MKLN1: variants seen among roughly 807,000 people sequenced by gnomAD.
MKLN1 encodes the protein muskelin.
A neutral mutation model predicts 99.0 loss-of-function variants in MKLN1; 18 were observed. That is an observed-to-expected ratio of 0.18 (90% CI 0.13 to 0.27). The LOEUF is 0.27. Ranked by LOEUF, MKLN1 falls within the 10% of genes least tolerant of loss-of-function variation. The pLI, the probability that MKLN1 is intolerant of heterozygous loss-of-function variation, is 1.00. For synonymous variants in MKLN1, 288 were observed against 293.2 expected, an observed-to-expected ratio of 0.98 and a Z score of 0.18; for missense variants, 621 against 875.9, an observed-to-expected ratio of 0.71 and a Z score of 3.67.
In MKLN1 at chr7:131,478,662, G is replaced by T; in HGVS notation, c.2071G>T (p.Asp691Tyr). The change falls in exon 17 of 18, where the codon GAT becomes TAT. Residue 691 changes from aspartate to tyrosine, a missense_variant. Physicochemically the swap from Asp to Tyr is radical, Grantham distance 160 (BLOSUM62 -3). Coordinates refer to ENST00000352689, the MANE Select transcript of MKLN1 (RefSeq NM_013255.5). Reference sequence around the variant, plus strand: ...ATCAGCTCTATTCAAATCTGGTTCAGATTTTACAGCTCTGGGTAAGTATTG... The same window carrying T: ...ATCAGCTCTATTCAAATCTGGTTCATATTTTACAGCTCTGGGTAAGTATTG... ...LASALFKSGSDFTALGFSDVD... is the reference protein window; with the variant it reads ...LASALFKSGSYFTALGFSDVD... 6.5e-7 allele frequency: 1 copy of T among 1,542,848 alleles called. No individual in the cohort carries two copies. The highest frequency in any genetic ancestry group is 8.8e-7 in the Non-Finnish European group (1 of 1,139,022).
intron 1 of MKLN1, among the ~76,000 whole-genome samples, chr7:131,361,847 A>G (rs1427038863): frequency 1.3e-5 from 2 of 150,780 alleles, no homozygotes; most frequent in African/African-American, 2.4e-5. Flanking sequence ...CCACACATTT[A>G]TATTCTGTTA....
chr7:131,245,131 C>A (rs948654002), intron 3 of MKLN1, among the ~76,000 whole-genome samples: 5 of 152,106 alleles, frequency 3.3e-5, no homozygotes, highest in African/African-American at 9.7e-5. Context: ...ATATCAGAAC[C>A]AAATCACTGT....
chr7:131,490,132 T>G lies in MKLN1; in HGVS notation c.*2404T>G, dbSNP rs955706911. ...GAGGAGCTACATGTATTTCCAAGAA[T>G]TCCAGCATAGATTATAATTTAAATA... On this transcript the variant is annotated 3_prime_UTR_variant, in exon 18 of 18. Coordinates refer to ENST00000352689, the MANE Select transcript of MKLN1 (RefSeq NM_013255.5). The G allele has an allele frequency of 3.3e-5, 5 of 152,612 alleles. No individual in the cohort carries two copies. The highest frequency in any genetic ancestry group is 1.2e-4 in the African/African-American group (5 of 41,464). 9.5% of individuals were successfully genotyped at this position (152,612 alleles called of 1,614,324 possible). A position where few individuals can be genotyped will look rare whatever the true frequency, so the allele number is the denominator to read the frequency against.
intron 1 of MKLN1, among the ~76,000 whole-genome samples, chr7:131,128,295 G>A (rs574960492): frequency 6.6e-6 from 1 of 152,098 alleles, no homozygotes; most frequent in East Asian, 1.9e-4. Context: ...AGAATTAAAT[G>A]TGAAAAGTGA....
intron 1 of MKLN1, among the ~76,000 whole-genome samples, chr7:131,123,210 G>T (rs1208851301): frequency 1.3e-5 from 2 of 152,056 alleles, no homozygotes; most frequent in South Asian, 2.1e-4. Flanking sequence ...TATTTAAAAT[G>T]TTATGCCATC....
chr7:131,212,066 C>T (rs574886840), intron 3 of MKLN1, among the ~76,000 whole-genome samples: 2 of 152,348 alleles, frequency 1.3e-5, no homozygotes, highest in South Asian at 4.1e-4. Context: ...AAGCGGAGCT[C>T]TCTCCACCAA....
rs1798936069 is a variant in MKLN1, at chr7:131,327,943, T to G, written c.44T>G (p.Leu15Arg). 1.2e-6 allele frequency: 2 copies of G among 1,613,646 alleles called. No homozygotes were observed. Among genetic ancestry groups the G allele is most frequent in the Non-Finnish European group, 1.7e-6 (2 of 1,179,810 alleles). The change falls in exon 1 of 18, where the codon CTT (leucine) becomes CGT (arginine). Residue 15 changes from leucine to arginine, a missense_variant. Coordinates refer to ENST00000352689, the MANE Select transcript of MKLN1 (RefSeq NM_013255.5). ...GAVAAAPECR[L>R]LPYALHKWSS... The stretch of plus-strand genomic sequence containing the variant: ...GTCGCTGCGGCGCCCGAGTGCCGGC[T>G]TCTCCCCTACGCGCTACACAAGTGG...
At chr7:131,397,135 A>C (rs1479374516) in intron 4 of MKLN1, 132 bp from the exon 5 acceptor site, 1 of 609,208 alleles carries the variant, frequency 1.6e-6, no homozygotes, top group East Asian at 2.8e-5. Flanking sequence ...GCACCATGCT[A>C]GTCATATAAA....
intron 1 of MKLN1, among the ~76,000 whole-genome samples, chr7:131,341,768 G>C (rs1382087890): frequency 1.3e-5 from 2 of 152,204 alleles, no homozygotes; most frequent in Non-Finnish European, 2.9e-5. Flanking sequence ...CTCATAAGGA[G>C]CACCCAACCT....
chr7:131,372,721 GT>G lies in MKLN1; in HGVS notation c.99-2684del, dbSNP rs551063120. Among the ~76,000 whole-genome samples the G allele has an allele frequency of 5.3e-3, 698 of 130,546 alleles. 2 individuals are homozygous for G. Among genetic ancestry groups the G allele is most frequent in the African/African-American group, 0.013 (480 of 35,838 alleles). 85.6% of individuals were successfully genotyped at this position (130,546 alleles called of 152,430 possible). On this transcript the variant is annotated intron_variant, in intron 1 of 17. Coordinates refer to ENST00000352689, the MANE Select transcript of MKLN1 (RefSeq NM_013255.5). ...AATGTGGATTAGTTATATCCCCTAG[GT>G]TTTTTTTTTTTTTTTTTTAGATAAA...
chr7:131,231,864 G>A (rs1040417326), intron 3 of MKLN1, among the ~76,000 whole-genome samples: 3 of 152,178 alleles, frequency 2.0e-5, no homozygotes, highest in African/African-American at 7.2e-5. Context: ...GAATGCCAAT[G>A]TCATGCTGAA....
intron 1 of MKLN1, among the ~76,000 whole-genome samples, chr7:131,334,120 A>G (rs1247041323): frequency 6.6e-6 from 1 of 152,178 alleles, no homozygotes; most frequent in Non-Finnish European, 1.5e-5. Context: ...TTAATCACAT[A>G]TAGTTGAAAA....
chr7:131,262,305 C>T (rs998820694), intron 3 of MKLN1, among the ~76,000 whole-genome samples: 3 of 151,618 alleles, frequency 2.0e-5, no homozygotes, highest in Non-Finnish European at 2.9e-5. Flanking sequence ...GTCGTGGTGG[C>T]GTGCGACTGT....
intron 1 of MKLN1, among the ~76,000 whole-genome samples, chr7:131,139,558 C>T (rs1053319341): frequency 2.0e-5 from 3 of 152,160 alleles, no homozygotes. Context: ...GTTCCAGACT[C>T]CAAGGTGACT....
At chr7:131,266,341 A>T (rs1797808950) in intron 3 of MKLN1, among the ~76,000 whole-genome samples, 1 of 152,178 alleles carries the variant, frequency 6.6e-6, no homozygotes, top group Non-Finnish European at 1.5e-5. Context: ...CAACCAATGT[A>T]CTCATTTGTA....
intron 2 of MKLN1, among the ~76,000 whole-genome samples, chr7:131,179,026 T>C (rs1796341483): frequency 6.6e-6 from 1 of 152,238 alleles, no homozygotes; most frequent in Admixed American, 6.5e-5. Context: ...CTTCTGTTGT[T>C]AAGTAGGAAG....
chr7:131,409,706 TAGTAAA>T (rs1254895161), intron 6 of MKLN1, among the ~76,000 whole-genome samples: 1 of 152,204 alleles, frequency 6.6e-6, no homozygotes, highest in Non-Finnish European at 1.5e-5. Context: ...CAGAGTTTAA[TAGTAAA>T]AGTAACTTTA....
rs529306896 is a variant in MKLN1 at position 131,414,168 on chromosome 7, A to C, written c.782-477A>C. 7.9e-4 allele frequency among the ~76,000 whole-genome samples: 120 copies of C among 152,358 alleles called. 1 individual carries two copies. The highest frequency in any genetic ancestry group is 4.4e-3 in the Admixed American group (68 of 15,306). ...TACAAAATAATTGTATACATTATACAAAATTAATATCATTAATATAAAACT... is the reference window on the plus strand; with the variant it reads ...TACAAAATAATTGTATACATTATACCAAATTAATATCATTAATATAAAACT... On this transcript the variant is annotated intron_variant, in intron 7 of 17. Transcript: ENST00000352689.
chr7:131,491,761 T>C lies in MKLN1; in HGVS notation c.*4033T>C, dbSNP rs1797429662. 6.6e-6 allele frequency: 1 copy of C among 152,646 alleles called. No homozygotes were observed. Among genetic ancestry groups the C allele is most frequent in the Non-Finnish European group, 1.5e-5 (1 of 68,026 alleles). 9.5% of individuals were successfully genotyped at this position (152,646 alleles called of 1,614,324 possible). ...TGCTGTATTAGAGGTTCTATTTATA[T>C]ATGATTTTTAAAACTTTGGTTTCCT... On this transcript the variant is annotated 3_prime_UTR_variant, in exon 18 of 18. Transcript: ENST00000352689.
Sources: allele counts gnomAD v4.1 joint callset (sites outside exome capture counted in the v4.1 genomes callset), GRCh38; gene constraint gnomAD v4.1.1; transcripts MANE v1.5; gene names NCBI Gene and HGNC (gene_info 2026-07-23, HGNC 2026-07-21).